ASXL3: variants seen among roughly 807,000 people sequenced by gnomAD.
ASXL3 encodes the protein putative Polycomb group protein ASXL3.
In ASXL3, 34 loss-of-function variants were observed where a neutral mutation model predicts 170.6. The ratio of observed to expected loss-of-function variants is 0.20; its 90% confidence interval spans 0.15 to 0.27. The LOEUF (loss-of-function observed/expected upper bound fraction) is 0.27, where lower values mean the gene tolerates loss of function less well. Ranked by LOEUF, ASXL3 falls within the 10% of genes least tolerant of loss-of-function variation. The pLI is 1.00. For missense variants in ASXL3, 2,592 were observed against 2,695.3 expected, an observed-to-expected ratio of 0.96 and a Z score of 0.85; for synonymous variants, 1,002 against 989.1, an observed-to-expected ratio of 1.01 and a Z score of -0.24.
intron 8 of ASXL3, among the ~76,000 whole-genome samples, chr18:33,730,549 AT>A (rs2067425719): frequency 6.6e-6 from 1 of 152,180 alleles, no homozygotes; most frequent in South Asian, 2.1e-4. Context: ...CAGTCAAAAG[AT>A]GGGGAAGCTG....
At chr18:33,654,008 A>G (rs533767502) in intron 4 of ASXL3, among the ~76,000 whole-genome samples, 200 of 152,016 alleles carry the variant, frequency 1.3e-3, no homozygotes, top group African/African-American at 4.5e-3. Context: ...TTTTTCTTAC[A>G]TATTTCCTCT....
rs758198445 is a variant in ASXL3 at position 33,746,082 on chromosome 18, T to C, written c.6234T>C (p.Asn2078=). 1 of 1,613,430 alleles carries C rather than the reference T, an allele frequency of 6.2e-7. No individual in the cohort carries two copies. The highest frequency in any genetic ancestry group is 8.5e-7 in the Non-Finnish European group (1 of 1,179,868). ...SWPQSTGICS[N]IKSEPLSFEE... is the part of the protein sequence containing the mutation. ...CACAGTCCACGGGCATATGTAGCAA[T>C]ATAAAATCGGAACCTCTTTCTTTTG... is the stretch of plus-strand genomic sequence containing the variant. The change falls in exon 12 of 12, where the codon AAT becomes AAC. Residue 2078 remains asparagine, a synonymous_variant. Transcript: ENST00000269197.
At position 33,738,531 on chromosome 18, in the gene ASXL3, C is replaced by G. The variant is rs756261355; in HGVS notation, c.1127C>G (p.Pro376Arg). The G allele has an allele frequency of 6.2e-7, 1 of 1,613,488 alleles. No homozygotes were observed. Among genetic ancestry groups the G allele is most frequent in the Non-Finnish European group, 8.5e-7 (1 of 1,179,750 alleles). The change falls in exon 11 of 12, where the codon CCA becomes CGA. Residue 376 changes from proline (P) to arginine (R), a missense_variant. Physicochemically the swap from Pro to Arg is moderately radical, Grantham distance 103. This residue lies in a region of ASXL3 where 2,246 missense variants were observed against 2,219.6 expected (regional missense o/e 1.01). Transcript: ENST00000269197. ...REESVKLTTG[P>R]NNAGAQSSSS... Reference sequence around the variant, plus strand: ...GAATCTGTGAAGCTCACTACTGGACCAAACAACGCTGGAGCTCAAAGTAGT... The same window carrying G: ...GAATCTGTGAAGCTCACTACTGGACGAAACAACGCTGGAGCTCAAAGTAGT...
chr18:33,736,626 AT>A (rs1056425208), intron 10 of ASXL3, among the ~76,000 whole-genome samples: 1 of 151,978 alleles, frequency 6.6e-6, no homozygotes, highest in Admixed American at 6.6e-5. Flanking sequence ...TTAGTTTTCA[AT>A]TTTTTTAGAT....
chr18:33,725,297 A>G (rs1244633626), intron 8 of ASXL3, among the ~76,000 whole-genome samples: 1 of 152,176 alleles, frequency 6.6e-6, no homozygotes, highest in Non-Finnish European at 1.5e-5. Flanking sequence ...TATACTGCAC[A>G]CACTGTTTAC....
chr18:33,603,035 C>G (rs1200560773), intron 1 of ASXL3, among the ~76,000 whole-genome samples: 1 of 152,060 alleles, frequency 6.6e-6, no homozygotes, highest in Non-Finnish European at 1.5e-5. Context: ...GTCACTGATA[C>G]CCACTTAGAA....
chr18:33,646,465 ATTT>A (rs1296894772), intron 4 of ASXL3, 112 bp downstream of exon 4: 6 of 710,070 alleles, frequency 8.4e-6, no homozygotes, highest in Non-Finnish European at 1.3e-5. Context: ...TTTCTTCTAA[ATTT>A]TTACCGCTGA....
intron 2 of ASXL3, among the ~76,000 whole-genome samples, chr18:33,631,301 A>T (rs973255419): frequency 1.3e-5 from 2 of 152,106 alleles, no homozygotes; most frequent in African/African-American, 4.8e-5. Context: ...GTGGATAAGC[A>T]TTCAGTCTTA....
intron 8 of ASXL3, among the ~76,000 whole-genome samples, chr18:33,701,628 T>C (rs1266335715): frequency 1.3e-5 from 2 of 152,090 alleles, no homozygotes; most frequent in African/African-American, 2.4e-5. Context: ...CTCTTGTACA[T>C]GACAAGTCCT....
At chr18:33,616,046 C>G (rs977911742) in intron 2 of ASXL3, among the ~76,000 whole-genome samples, 44 of 152,010 alleles carry the variant, frequency 2.9e-4, no homozygotes, top group Non-Finnish European at 5.4e-4. Flanking sequence ...TTTAAAATAA[C>G]TGTGTAATCT....
At position 33,738,783 on chromosome 18, in the gene ASXL3, C is replaced by T; in HGVS notation, c.1379C>T (p.Thr460Ile). The change falls in exon 11 of 12, where the codon ACT becomes ATT. Residue 460 changes from threonine (T) to isoleucine (I), a missense_variant. By Grantham distance (89) the Thr-to-Ile change is moderately conservative. This residue lies in a region of ASXL3 where 2,246 missense variants were observed against 2,219.6 expected (regional missense o/e 1.01). Coordinates refer to ENST00000269197, the MANE Select transcript of ASXL3 (RefSeq NM_030632.3). ...GAGGAAATTGCAGAAGAGGTAGAGA[C>T]TAGTATCTGTGAATGCCAGGATGAA... ...IQEEIAEEVE[T>I]SICECQDENH... 6.2e-7 allele frequency: 1 copy of T among 1,613,804 alleles called. No homozygotes were observed. The highest frequency in any genetic ancestry group is 8.5e-7 in the Non-Finnish European group (1 of 1,179,860).
intron 1 of ASXL3, among the ~76,000 whole-genome samples, chr18:33,602,147 C>T (rs1015576837): frequency 1.3e-5 from 2 of 151,520 alleles, no homozygotes; most frequent in Non-Finnish European, 2.9e-5. Flanking sequence ...TTTGTGAGAG[C>T]GATGATACCT....
At chr18:33,675,215 T>C (rs549355777) in intron 7 of ASXL3, among the ~76,000 whole-genome samples, 1 of 152,288 alleles carries the variant, frequency 6.6e-6, no homozygotes, top group East Asian at 1.9e-4. Flanking sequence ...GCTCCTCCTA[T>C]CTTCTTGAAT....
chr18:33,734,452 AAG>A (rs1484049610), intron 10 of ASXL3, 37 bp downstream of exon 10: 2 of 1,358,210 alleles, frequency 1.5e-6, no homozygotes, highest in African/African-American at 2.9e-5. Flanking sequence ...TTCTCTGAGA[AAG>A]AAATGAAAAT....
chr18:33,614,898 G>A (rs2065399380), intron 2 of ASXL3: 1 of 152,010 alleles, frequency 6.6e-6, no homozygotes, highest in African/African-American at 2.4e-5. Flanking sequence ...AACAGATGTG[G>A]TGTCATGCAT....
intron 5 of ASXL3, among the ~76,000 whole-genome samples, chr18:33,667,613 C>G (rs1014430669): frequency 1.3e-5 from 2 of 152,078 alleles, no homozygotes; most frequent in East Asian, 3.9e-4. Context: ...ACAATTTTCA[C>G]GCAACCACTT....
At position 33,743,445 on chromosome 18, in the gene ASXL3, T is replaced by G. The variant is rs2067703118; in HGVS notation, c.3597T>G (p.Ser1199=). 6.2e-7 allele frequency: 1 copy of G among 1,613,590 alleles called. No individual in the cohort carries two copies. Among genetic ancestry groups the G allele is most frequent in the Non-Finnish European group, 8.5e-7 (1 of 1,179,884 alleles). ...SKLPETATDL[S]VHSSDENIPV... ...TTCCAGAAACTGCCACTGACTTATC[T>G]GTGCATAGTTCTGATGAAAACATAC... The change falls in exon 12 of 12, where the codon TCT becomes TCG. Residue 1199 remains serine, a synonymous_variant. Transcript: ENST00000269197.
At chr18:33,598,912 G>T (rs547875166) in intron 1 of ASXL3, among the ~76,000 whole-genome samples, 11 of 152,204 alleles carry the variant, frequency 7.2e-5, no homozygotes, top group African/African-American at 1.4e-4. Flanking sequence ...TAACTCCTTT[G>T]TATCTTCATT....
intron 1 of ASXL3, among the ~76,000 whole-genome samples, chr18:33,592,697 A>T (rs2065088084): frequency 6.6e-6 from 1 of 152,168 alleles, no homozygotes; most frequent in Non-Finnish European, 1.5e-5. Flanking sequence ...TTATAAGAAA[A>T]ACAGGTGTTT....
Sources: allele counts gnomAD v4.1 joint callset (sites outside exome capture counted in the v4.1 genomes callset), GRCh38; gene constraint gnomAD v4.1.1; regional missense constraint gnomAD v4.1.1; transcripts MANE v1.5; gene names NCBI Gene and HGNC (gene_info 2026-07-23, HGNC 2026-07-21).